The following SEMA5B variants were observed in gnomAD, a reference collection of about 807,000 sequenced individuals.
SEMA5B encodes the protein semaphorin-5B.
SEMA5B carries 66 observed loss-of-function variants against 135.0 expected under a neutral mutation model. That is an observed-to-expected ratio of 0.49 (90% confidence interval 0.40 to 0.60). The LOEUF (loss-of-function observed/expected upper bound fraction) is 0.60. Ranked by LOEUF, SEMA5B falls within the 20% of genes least tolerant of loss-of-function variation. The probability of loss-of-function intolerance (pLI) is 0.00; values close to 1 mark genes in which losing one functional copy is unlikely to be tolerated. For synonymous variants in SEMA5B, 690 were observed against 639.5 expected (o/e 1.08, Z -1.19); for missense variants, 1,501 against 1,566.3 (o/e 0.96, Z 0.70).
intron 1 of SEMA5B, among the ~76,000 whole-genome samples, chr3:122,979,833 C>T (rs1396532180): frequency 6.6e-6 from 1 of 152,240 alleles, no homozygotes; most frequent in African/African-American, 2.4e-5. Context: ...TTTAAGGGAA[C>T]ATTTCTAACA....
At chr3:122,986,906 G>A (rs1469024813) in intron 1 of SEMA5B, among the ~76,000 whole-genome samples, 3 of 152,286 alleles carry the variant, frequency 2.0e-5, no homozygotes, top group East Asian at 3.9e-4. Context: ...AGGAGGGCCC[G>A]GCCGTGAGCT....
At chr3:122,926,273 C>A in intron 9 of SEMA5B, 119 bp downstream of exon 9, 2 of 991,534 alleles carry the variant, frequency 2.0e-6, no homozygotes, top group Non-Finnish European at 3.0e-6. Context: ...ACAAAATCCT[C>A]AGATGACCCC....
At chr3:122,948,952 T>C (rs934736484) in intron 2 of SEMA5B, among the ~76,000 whole-genome samples, 1 of 152,224 alleles carries the variant, frequency 6.6e-6, no homozygotes, top group Non-Finnish European at 1.5e-5. Context: ...CTATTTATGA[T>C]CCCAAATGGT....
At chr3:122,952,652 T>A (rs912854460) in intron 2 of SEMA5B, among the ~76,000 whole-genome samples, 3 of 152,174 alleles carry the variant, frequency 2.0e-5, no homozygotes, top group African/African-American at 7.2e-5. Context: ...ACTGGAGCAC[T>A]TCCTTTTGCC....
At chr3:122,976,004 A>C in intron 1 of SEMA5B, 1 of 1,534,258 alleles carries the variant, frequency 6.5e-7, no homozygotes, top group African/African-American at 1.4e-5. Flanking sequence ...GCCCACCTCG[A>C]TCCCTTCGCT....
intron 1 of SEMA5B, among the ~76,000 whole-genome samples, chr3:122,996,278 G>T (rs116532267): frequency 6.6e-6 from 1 of 152,246 alleles, no homozygotes; most frequent in African/African-American, 2.4e-5. Context: ...AAGGGAGGCC[G>T]TCTGGGCCCC....
chr3:122,944,983 G>C (rs1485648549), intron 3 of SEMA5B, among the ~76,000 whole-genome samples: 1 of 151,922 alleles, frequency 6.6e-6, no homozygotes, highest in Non-Finnish European at 1.5e-5. Context: ...GGCCAGGAGA[G>C]AGAGAGAGAT....
At chr3:122,963,866 G>T (rs981892846) in intron 1 of SEMA5B, among the ~76,000 whole-genome samples, 2 of 152,082 alleles carry the variant, frequency 1.3e-5, no homozygotes, top group Admixed American at 6.5e-5. Flanking sequence ...TTTCTTTCTG[G>T]TTCTTTCTCC....
intron 1 of SEMA5B, among the ~76,000 whole-genome samples, chr3:122,980,585 G>C (rs1461354997): frequency 6.6e-6 from 1 of 152,142 alleles, no homozygotes; most frequent in Non-Finnish European, 1.5e-5. Context: ...AATCATTCTG[G>C]CCAGCCGTGC....
chr3:122,914,680 T>A (rs1937968344), intron 14 of SEMA5B, among the ~76,000 whole-genome samples: 1 of 152,192 alleles, frequency 6.6e-6, no homozygotes. Flanking sequence ...ATGCCTGTAA[T>A]CCCAGAGCTT....
chr3:122,967,417 G>A (rs533909276), intron 1 of SEMA5B, among the ~76,000 whole-genome samples: 22 of 152,300 alleles, frequency 1.4e-4, no homozygotes, highest in African/African-American at 5.3e-4. Flanking sequence ...AGCAGGTGCT[G>A]TTGGTGCCTG....
chr3:122,921,902 C>G lies in SEMA5B; in HGVS notation c.1688+13G>C, dbSNP rs116510064. The G allele has an allele frequency of 3.9e-5, 60 of 1,526,422 alleles. 1 individual carries two copies. In the South Asian group the frequency reaches 6.5e-4, roughly 17 times the overall value. The allele number at this position is 1,526,422 out of a possible 1,614,324, so 94.6% of individuals were successfully genotyped here. A position where few individuals can be genotyped will look rare whatever the true frequency, so the allele number is the denominator to read the frequency against. ...GCAGTGGAGGCCTCGGGAGCCGCCC[C>G]GTCCCGGCTTACCCCTGGCTGCGGT... On this transcript the variant is annotated intron_variant, in intron 12 of 22. Coordinates refer to ENST00000357599, the MANE Select transcript of SEMA5B (RefSeq NM_001031702.4).
At chr3:122,929,842 T>C (rs1938868157) in intron 5 of SEMA5B, among the ~76,000 whole-genome samples, 1 of 152,224 alleles carries the variant, frequency 6.6e-6, no homozygotes, top group Non-Finnish European at 1.5e-5. Context: ...CACATGCCCA[T>C]GGCATTAGGA....
chr3:123,000,112 G>A lies in SEMA5B; in HGVS notation c.-39+27352C>T, dbSNP rs749496820. On this transcript the variant is annotated intron_variant, in intron 1 of 22. Coordinates refer to ENST00000357599, the MANE Select transcript of SEMA5B (RefSeq NM_001031702.4). ...AGTCCCAGCTACTCAGGAGGTTGAG[G>A]CAGGAGACTCGCTTGGACCCAGGAG... Among the ~76,000 whole-genome samples the A allele has an allele frequency of 3.3e-5, 5 of 152,232 alleles. No homozygotes were observed. The South Asian group carries it at 1.0e-3, about 32-fold the overall frequency.
intron 4 of SEMA5B, among the ~76,000 whole-genome samples, chr3:122,943,186 C>G (rs1401122009): frequency 6.6e-6 from 1 of 152,148 alleles, no homozygotes; most frequent in Non-Finnish European, 1.5e-5. Flanking sequence ...GGCGTCCCTG[C>G]TCTCACTAAC....
chr3:122,922,137 G>C lies in SEMA5B; in HGVS notation c.1481-15C>G, dbSNP rs150453624. The C allele has an allele frequency of 7.6e-4, 1,159 of 1,528,732 alleles. 5 individuals carry two copies. The African/African-American group carries it at 0.014, about 18-fold the overall frequency. 94.7% of individuals were successfully genotyped at this position (1,528,732 alleles called of 1,614,324 possible). On this transcript the variant is annotated splice_polypyrimidine_tract_variant and intron_variant, in intron 11 of 22. Coordinates refer to ENST00000357599, the MANE Select transcript of SEMA5B (RefSeq NM_001031702.4). ...GGTGCCCGACTCTGGAGGAGAGGGG[G>C]AGCCAGACCAAGGTGGCCTTGAAGG...
At chr3:122,982,956 C>T (rs1392205964) in intron 1 of SEMA5B, among the ~76,000 whole-genome samples, 1 of 152,348 alleles carries the variant, frequency 6.6e-6, no homozygotes, top group African/African-American at 2.4e-5. Flanking sequence ...CTCTCTCCGA[C>T]CGGCTGAGGC....
At chr3:122,985,509 A>AT (rs1941670727) in intron 1 of SEMA5B, among the ~76,000 whole-genome samples, 1 of 151,984 alleles carries the variant, frequency 6.6e-6, no homozygotes, top group East Asian at 1.9e-4. Context: ...AAAAAAAAAA[A>AT]GAAAGAAAAA....
At chr3:122,993,003 G>C (rs1402007554) in intron 1 of SEMA5B, 1 of 152,284 alleles carries the variant, frequency 6.6e-6, no homozygotes, top group Non-Finnish European at 1.5e-5. Flanking sequence ...TCCCTGAAAG[G>C]GGGTCCGGGC....
Sources: allele counts gnomAD v4.1 joint callset (sites outside exome capture counted in the v4.1 genomes callset), GRCh38; gene constraint gnomAD v4.1.1; transcripts MANE v1.5; gene names NCBI Gene and HGNC (gene_info 2026-07-23, HGNC 2026-07-21).